Variants in NACC1 observed in about 807,000 individuals in gnomAD.
NACC1 encodes the protein nucleus accumbens-associated protein 1.
In NACC1, 6 loss-of-function variants were observed where a neutral mutation model predicts 41.7. The observed-to-expected ratio is 0.14, with a 90% CI of 0.08 to 0.28. The LOEUF is 0.28. Among genes scored for constraint, NACC1 ranks in the 10% least tolerant of loss-of-function variants. The pLI is 1.00. For missense variants in NACC1, 434 were observed against 763.7 expected, an observed-to-expected ratio of 0.57 and a Z score of 5.09; for synonymous variants, 338 against 330.6, an observed-to-expected ratio of 1.02 and a Z score of -0.24.
rs943808865 is a variant in NACC1 at position 13,138,879 on chromosome 19, G to A, written c.*473G>A. 4 of 162,574 alleles carry A rather than the reference G, an allele frequency of 2.5e-5. No individual in the cohort carries two copies. Among genetic ancestry groups the A allele is most frequent in the African/African-American group, 2.4e-5 (1 of 41,856 alleles). 10.1% of individuals were successfully genotyped at this position (162,574 alleles called of 1,614,324 possible). A position where few individuals can be genotyped will look rare whatever the true frequency, so the allele number is the denominator to read the frequency against. On this transcript the variant is annotated 3_prime_UTR_variant, in exon 6 of 6. Transcript: ENST00000292431. The surrounding 1 kb of genome is among the most constrained non-coding windows in gnomAD (Gnocchi z 5.7). The stretch of plus-strand genomic sequence containing the variant: ...CCAGTGCTTCCACGTCTCCAAAAGC[G>A]CCTTCCTGTCACCCTCGTCTATCCC...
In NACC1 at chr19:13,138,356, A is replaced by T. The variant is rs772994600; in HGVS notation, c.1534A>T (p.Thr512Ser). ...GATGGGTGTGGAGCATGGCTTCGAG[A>T]CCGCCAGCCACGAGGGCGAGGCGGG... ...DMMGVEHGFETASHEGEAGPS... is the reference protein window; with the variant it reads ...DMMGVEHGFESASHEGEAGPS... The change falls in exon 6 of 6, where the codon ACC becomes TCC. Residue 512 changes from threonine (T) to serine (S), a missense_variant. By Grantham distance (58) the Thr-to-Ser change is moderately conservative (BLOSUM62 1). Around this residue, in one of 4 missense-constraint regions of NACC1, gnomAD observed 63 missense variants for 68.4 expected, o/e 0.92. Transcript: ENST00000292431. The surrounding 1 kb of genome is among the most constrained non-coding windows in gnomAD (Gnocchi z 5.7). 6.2e-7 allele frequency: 1 copy of T among 1,613,232 alleles called. No homozygotes were observed. The highest frequency in any genetic ancestry group is 1.7e-5 in the Admixed American group (1 of 59,996).
At position 13,137,623 on chromosome 19, in the gene NACC1, T is replaced by C. The variant is rs989245791; in HGVS notation, c.1324+48T>C. ...GAGGCGTGGGCCCGGGGCACGCAGG[T>C]TGACGTTTTTTCCCAGCCTTGGCTC... On this transcript the variant is annotated intron_variant, in intron 5 of 5. Coordinates refer to ENST00000292431, the MANE Select transcript of NACC1 (RefSeq NM_052876.4). The surrounding 1 kb of genome is among the most constrained non-coding windows in gnomAD (Gnocchi z 6.1). The C allele has an allele frequency of 2.7e-6, 4 of 1,483,922 alleles. No individual in the cohort carries two copies. Among genetic ancestry groups the C allele is most frequent in the South Asian group, 1.2e-5 (1 of 81,994 alleles). 91.9% of individuals were successfully genotyped at this position (1,483,922 alleles called of 1,614,324 possible). A position where few individuals can be genotyped will look rare whatever the true frequency, so the allele number is the denominator to read the frequency against.
intron 1 of NACC1, among the ~76,000 whole-genome samples, chr19:13,129,152 A>ATTC (rs2019600180): frequency 6.6e-6 from 1 of 152,150 alleles, no homozygotes; most frequent in Non-Finnish European, 1.5e-5. Context: ...GGCAGGGTGC[A>ATTC]CAGCTTGGGC....
chr19:13,137,304 T>G lies in NACC1; in HGVS notation c.1154T>G (p.Met385Arg). ...TNVYITRAQLMNCHVSAGTRH... is the reference protein window; with the variant it reads ...TNVYITRAQLRNCHVSAGTRH... ...GTGTACATCACAAGGGCGCAGCTGA[T>G]GAACTGCCACGTCAGCGCAGGCACG... Residue 385 changes from methionine to arginine, a missense_variant, in exon 4 of 6, where the codon ATG becomes AGG. Physicochemically the swap from Met to Arg is moderately conservative, Grantham distance 91. This residue lies in a region of NACC1 where 70 missense variants were observed against 206.9 expected (regional missense o/e 0.34). Transcript: ENST00000292431. This position sits in a 1 kb window ranked among gnomAD's most constrained non-coding sequence, Gnocchi z 6.1. 1 of 1,613,838 alleles carries G rather than the reference T, an allele frequency of 6.2e-7. No homozygotes were observed. The highest frequency in any genetic ancestry group is 8.5e-7 in the Non-Finnish European group (1 of 1,179,982).
intron 1 of NACC1, 115 bp downstream of exon 1, chr19:13,118,569 C>T (rs2019438014): frequency 2.0e-5 from 3 of 150,926 alleles, no homozygotes; most frequent in South Asian, 2.1e-4. Context: ...GGCCCGCAGC[C>T]TGCACTGTGC....
chr19:13,132,475 T>C (rs2019646313), intron 1 of NACC1: 1 of 150,382 alleles, frequency 6.6e-6, no homozygotes, highest in Admixed American at 6.6e-5. Context: ...TCAGGACATA[T>C]CTTTTGAATT....
At position 13,136,195 on chromosome 19, in the gene NACC1, C is replaced by T; in HGVS notation, c.947-37C>T. 1 of 1,603,462 alleles carries T rather than the reference C, an allele frequency of 6.2e-7. No homozygotes were observed. The highest frequency in any genetic ancestry group is 1.3e-5 in the African/African-American group (1 of 74,962). On this transcript the variant is annotated intron_variant, in intron 2 of 5. Transcript: ENST00000292431. This position sits in a 1 kb window ranked among gnomAD's most constrained non-coding sequence, Gnocchi z 5.5. ...TCCCCCATCCCACCAGCCACCCCTG[C>T]TCCTCCTGCCACTCGCGTGCCACTC...
At chr19:13,132,308 C>T (rs2019642961) in intron 1 of NACC1, 1 of 151,524 alleles carries the variant, frequency 6.6e-6, no homozygotes, top group Non-Finnish European at 1.5e-5. Flanking sequence ...CCCAGCTACT[C>T]AGGAGGCTGA....
rs751690496 is a variant in NACC1 at position 13,136,278 on chromosome 19, A to T, written c.993A>T (p.Arg331=). The T allele has an allele frequency of 6.2e-7, 1 of 1,613,946 alleles. No individual in the cohort carries two copies. The highest frequency in any genetic ancestry group is 1.3e-5 in the African/African-American group (1 of 74,982). Residue 331 remains arginine (R), a synonymous_variant, in exon 3 of 6, where the codon CGA becomes CGT. Transcript: ENST00000292431. This position sits in a 1 kb window ranked among gnomAD's most constrained non-coding sequence, Gnocchi z 5.5. ...ALPEQVAPES[R]NRIRVRQDLA... ...CGGAGCAGGTAGCCCCCGAGTCCCGAAATCGCATCCGGGTTCGGCAAGACC... is the reference window on the plus strand; with the variant it reads ...CGGAGCAGGTAGCCCCCGAGTCCCGTAATCGCATCCGGGTTCGGCAAGACC...
intron 1 of NACC1, among the ~76,000 whole-genome samples, chr19:13,120,036 G>A (rs1045768031): frequency 4.6e-5 from 7 of 152,230 alleles, no homozygotes; most frequent in African/African-American, 1.4e-4. Context: ...GGAGCTCCTC[G>A]TTCTGGATTC....
In NACC1 at chr19:13,135,687, G is replaced by C; in HGVS notation, c.480G>C (p.Leu160=). The part of the protein sequence containing the change: ...TSGWPACSTP[L]PLVSRVKTEQ... ...GCTGGCCAGCCTGTAGCACCCCGCT[G>C]CCCCTCGTGTCGCGGGTGAAGACGG... The change falls in exon 2 of 6, where the codon CTG becomes CTC. Residue 160 remains leucine (L), a synonymous_variant. Coordinates refer to ENST00000292431, the MANE Select transcript of NACC1 (RefSeq NM_052876.4). 1 of 1,554,482 alleles carries C rather than the reference G, an allele frequency of 6.4e-7. No homozygotes were observed. Among genetic ancestry groups the C allele is most frequent in the Non-Finnish European group, 8.7e-7 (1 of 1,153,028 alleles).
chr19:13,138,684 C>T lies in NACC1; in HGVS notation c.*278C>T. 2 of 490,936 alleles carry T rather than the reference C, an allele frequency of 4.1e-6. No individual in the cohort carries two copies. The highest frequency in any genetic ancestry group is 4.4e-5 in the South Asian group (2 of 45,452). 30.4% of individuals were successfully genotyped at this position (490,936 alleles called of 1,614,324 possible). On this transcript the variant is annotated 3_prime_UTR_variant, in exon 6 of 6. Transcript: ENST00000292431. This position sits in a 1 kb window ranked among gnomAD's most constrained non-coding sequence, Gnocchi z 5.7. The stretch of plus-strand genomic sequence containing the variant: ...CCCCAACCTAACCCCTAGCCGTCAT[C>T]TCCACACTCACCAGGCCCACCAGGG...
chr19:13,125,476 A>G (rs2019550751), intron 1 of NACC1, among the ~76,000 whole-genome samples: 1 of 141,526 alleles, frequency 7.1e-6, no homozygotes, highest in African/African-American at 2.7e-5. Flanking sequence ...GCTGGAGTGC[A>G]GTGGTGCGAT....
In NACC1 at chr19:13,139,107, G is replaced by T. The variant is rs117922601; in HGVS notation, c.*701G>T. On this transcript the variant is annotated 3_prime_UTR_variant, in exon 6 of 6. Transcript: ENST00000292431. ...GTCCTAAAGGAGGGGGGGTCTCCTG[G>T]GGGCAGACCGAGGGTCTCGGAGGAT... The T allele has an allele frequency of 0.034, 5,143 of 152,654 alleles. 129 individuals are homozygous for T. Among genetic ancestry groups the T allele is most frequent in the Non-Finnish European group, 0.055 (3,734 of 68,364 alleles). 9.5% of individuals were successfully genotyped at this position (152,654 alleles called of 1,614,324 possible).
At chr19:13,119,520 C>G (rs1049182251) in intron 1 of NACC1, among the ~76,000 whole-genome samples, 2 of 152,144 alleles carry the variant, frequency 1.3e-5, no homozygotes, top group Admixed American at 6.5e-5. Context: ...CTTTCTCTAC[C>G]TTTTGTGGCC....
At chr19:13,127,914 A>T (rs182474085) in intron 1 of NACC1, among the ~76,000 whole-genome samples, 9 of 152,292 alleles carry the variant, frequency 5.9e-5, no homozygotes, top group African/African-American at 2.2e-4. Context: ...TGGCTGTCCC[A>T]TTCCCATTCT....
chr19:13,128,430 A>T (rs1485366166), intron 1 of NACC1, among the ~76,000 whole-genome samples: 2 of 152,204 alleles, frequency 1.3e-5, no homozygotes, highest in Admixed American at 1.3e-4. Flanking sequence ...TATGACCTCA[A>T]TTAACCTTAA....
At position 13,135,833 on chromosome 19, in the gene NACC1, C is replaced by A; in HGVS notation, c.626C>A (p.Pro209Gln). The change falls in exon 2 of 6, where the codon CCG (proline) becomes CAG (glutamine). Residue 209 changes from proline to glutamine, a missense_variant. By Grantham distance (76) the Pro-to-Gln change is moderately conservative. This residue lies in a region of NACC1 where 234 missense variants were observed against 308.3 expected (regional missense o/e 0.76). Transcript: ENST00000292431. Reference sequence around the variant, plus strand: ...CGCAAGATGGCCAAGTTCTCCACGCCGGACCTGGCTGCCAACCGGCCTCAC... The same window carrying A: ...CGCAAGATGGCCAAGTTCTCCACGCAGGACCTGGCTGCCAACCGGCCTCAC... ...GSRKMAKFSTPDLAANRPHQP... is the reference protein window; with the variant it reads ...GSRKMAKFSTQDLAANRPHQP... The A allele has an allele frequency of 6.4e-7, 1 of 1,553,108 alleles. No individual in the cohort carries two copies. Among genetic ancestry groups the A allele is most frequent in the East Asian group, 2.4e-5 (1 of 41,616 alleles).
intron 1 of NACC1, among the ~76,000 whole-genome samples, chr19:13,124,001 G>GT (rs2019531183): frequency 6.6e-6 from 1 of 152,182 alleles, no homozygotes; most frequent in Non-Finnish European, 1.5e-5. Context: ...GGCCCAGTCA[G>GT]TGAGGCTTGA....
Sources: allele counts gnomAD v4.1 joint callset (sites outside exome capture counted in the v4.1 genomes callset), GRCh38; gene constraint gnomAD v4.1.1; regional missense constraint gnomAD v4.1.1; non-coding constraint Gnocchi (gnomAD v3.1); transcripts MANE v1.5; gene names NCBI Gene and HGNC (gene_info 2026-07-23, HGNC 2026-07-21).